Variants in RANBP2 observed in about 807,000 individuals in gnomAD.
RANBP2 encodes the protein RAN binding protein 2, also known as E3 SUMO-protein ligase RanBP2.
A neutral mutation model predicts 303.6 loss-of-function variants in RANBP2; 57 were observed. The ratio of observed to expected loss-of-function variants is 0.19; its 90% CI spans 0.15 to 0.23. RANBP2 has a LOEUF of 0.23. Among genes scored for constraint, RANBP2 ranks in the 10% least tolerant of loss-of-function variants. The pLI is 1.00. For synonymous variants in RANBP2, 1,167 were observed against 1,301.5 expected, an observed-to-expected ratio of 0.90 and a Z score of 2.23; for missense variants, 3,138 against 3,780.8, an observed-to-expected ratio of 0.83 and a Z score of 4.46.
the RANBP2 span, among the ~76,000 whole-genome samples, chr2:109,537,964 TACAC>T: frequency 1.2e-3 from 176 of 150,888 alleles, no homozygotes; most frequent in African/African-American, 3.9e-3. Flanking sequence ...CACACACACA[TACAC>T]ACACACACAC....
the RANBP2 span, among the ~76,000 whole-genome samples, chr2:109,766,348 G>A: frequency 6.6e-6 from 1 of 150,686 alleles, no homozygotes; most frequent in South Asian, 2.1e-4. Flanking sequence ...CTTGTGTGGG[G>A]CGTGTTTTGG....
the RANBP2 span, among the ~76,000 whole-genome samples, chr2:109,400,210 A>C: frequency 6.6e-6 from 1 of 152,126 alleles, no homozygotes; most frequent in African/African-American, 2.4e-5. Context: ...CCCTACACAC[A>C]CTTGCACACA....
chr2:109,199,878 G>T, the RANBP2 span, among the ~76,000 whole-genome samples: 1 of 44,940 alleles, frequency 2.2e-5, no homozygotes, highest in Non-Finnish European at 4.7e-5. Context: ...GGGGATTAGG[G>T]CTTAGATGTA....
At chr2:108,738,209 G>A (rs1459856381) in intron 6 of RANBP2, among the ~76,000 whole-genome samples, 1 of 151,496 alleles carries the variant, frequency 6.6e-6, no homozygotes, top group East Asian at 2.0e-4. Context: ...CCAAGTAGCT[G>A]GGCCTACAGG....
chr2:109,033,580 C>A, the RANBP2 span, among the ~76,000 whole-genome samples: 153 of 152,240 alleles, frequency 1.0e-3, no homozygotes, highest in Middle Eastern at 3.4e-3. Flanking sequence ...ACAGGAACTA[C>A]GGAGGGGCAA....
the RANBP2 span, among the ~76,000 whole-genome samples, chr2:109,521,948 G>A: frequency 4.6e-5 from 7 of 152,194 alleles, no homozygotes; most frequent in African/African-American, 1.7e-4. Flanking sequence ...CGCCCTGCCC[G>A]CTGATCAGCC....
chr2:109,134,111 G>A, the RANBP2 span, among the ~76,000 whole-genome samples: 3 of 152,214 alleles, frequency 2.0e-5, no homozygotes, highest in South Asian at 2.1e-4. Flanking sequence ...TGCATGCTGG[G>A]CACTTTGACA....
the RANBP2 span, among the ~76,000 whole-genome samples, chr2:109,220,960 T>C: frequency 6.6e-6 from 1 of 152,256 alleles, no homozygotes; most frequent in East Asian, 1.9e-4. Context: ...GAAACAGATA[T>C]GTGTACACCA....
At chr2:108,752,853 A>G in intron 12 of RANBP2, 145 bp from the exon 13 acceptor site, 4 of 1,523,678 alleles carry the variant, frequency 2.6e-6, no homozygotes, top group Non-Finnish European at 3.6e-6. Context: ...TAGTTATTAC[A>G]GTATTTGGAA....
At chr2:109,415,515 A>T in the RANBP2 span, among the ~76,000 whole-genome samples, 12 of 151,632 alleles carry the variant, frequency 7.9e-5, no homozygotes, top group Admixed American at 7.2e-4. Flanking sequence ...GCGTGTCCAG[A>T]CCCCCTCCTG....
At chr2:109,246,557 C>T in the RANBP2 span, among the ~76,000 whole-genome samples, 1 of 152,216 alleles carries the variant, frequency 6.6e-6, no homozygotes, top group Non-Finnish European at 1.5e-5. Flanking sequence ...TCATGCCTAA[C>T]AGGATGGCTG....
the RANBP2 span, among the ~76,000 whole-genome samples, chr2:109,334,353 T>C: frequency 2.1e-5 from 2 of 93,062 alleles, no homozygotes; most frequent in African/African-American, 5.4e-5. Context: ...TTTTTTTTTT[T>C]CCTTTAAAAA....
the RANBP2 span, among the ~76,000 whole-genome samples, chr2:109,578,922 G>A: frequency 6.6e-6 from 1 of 152,066 alleles, no homozygotes; most frequent in Non-Finnish European, 1.5e-5. Flanking sequence ...CAAAAGTACA[G>A]ACGTAAGAGC....
the RANBP2 span, chr2:109,436,762 G>T: frequency 1.4e-6 from 2 of 1,387,608 alleles, no homozygotes; most frequent in Admixed American, 2.6e-5. Flanking sequence ...ATTGTTTTAG[G>T]ACCTCGTCCC....
chr2:108,723,387 C>T (rs1694438024), intron 1 of RANBP2, among the ~76,000 whole-genome samples: 1 of 151,588 alleles, frequency 6.6e-6, no homozygotes, highest in South Asian at 2.1e-4. Flanking sequence ...TCACACCATT[C>T]TCCTGCCCCA....
chr2:109,571,351 C>T, the RANBP2 span, among the ~76,000 whole-genome samples: 1 of 152,148 alleles, frequency 6.6e-6, no homozygotes, highest in Non-Finnish European at 1.5e-5. Context: ...GTTGCGTGAA[C>T]ATCACAGAGT....
the RANBP2 span, among the ~76,000 whole-genome samples, chr2:109,466,806 T>A: frequency 3.9e-5 from 6 of 151,944 alleles, no homozygotes; most frequent in Non-Finnish European, 1.5e-5. Flanking sequence ...TCTATATGTG[T>A]GTATGTCTAT....
the RANBP2 span, among the ~76,000 whole-genome samples, chr2:109,165,044 T>C: frequency 6.6e-6 from 1 of 152,206 alleles, no homozygotes; most frequent in African/African-American, 2.4e-5. Flanking sequence ...CGGAATCATT[T>C]TCCATCTCTG....
the RANBP2 span, among the ~76,000 whole-genome samples, chr2:108,854,019 TAAATTTATATTATATATAATATATA>T: frequency 0.012 from 1,434 of 116,506 alleles, 17 homozygotes; most frequent in Non-Finnish European, 0.019. Flanking sequence ...TAATATATAA[TAAATTTATATTATATATAATATATA>T]ATAAATTTAT....
Sources: gnomAD v4.1 joint callset for allele counts (sites outside exome capture counted in the v4.1 genomes callset) on GRCh38, gnomAD v4.1.1 for gene constraint, MANE v1.5 for transcripts, NCBI Gene and HGNC (gene_info 2026-07-23, HGNC 2026-07-21) for gene names.